Variants in NAA38 observed in about 807,000 individuals in gnomAD.
The protein encoded by NAA38 is LSM domain containing 1.
Under a neutral mutation model 12.6 loss-of-function variants are expected in NAA38, and 15 were observed. The ratio of observed to expected loss-of-function variants is 1.19; its 90% CI spans 0.79 to 1.83. The LOEUF (loss-of-function observed/expected upper bound fraction) is 1.83, where lower values mean the gene tolerates loss of function less well. NAA38 is among the 40% of genes most tolerant of loss of function. The pLI, the probability that NAA38 is intolerant of heterozygous loss-of-function variation, is 0.00. For missense variants in NAA38, 183 were observed against 171.7 expected (o/e 1.07, Z -0.37); for synonymous variants, 88 against 69.9 (o/e 1.26, Z -1.29).
chr17:7,883,235 C>G (rs1967327398), exon 2 of NAA38: 3 of 152,180 alleles, frequency 2.0e-5, no homozygotes, highest in Non-Finnish European at 2.9e-5. Flanking sequence ...TAACCCCTAC[C>G]TCTGCTTTTT....
chr17:7,882,851 C>T (rs1967302657), intron 2 of NAA38, among the ~76,000 whole-genome samples: 1 of 152,186 alleles, frequency 6.6e-6, no homozygotes, highest in African/African-American at 2.4e-5. Context: ...CAGGGTGCTC[C>T]TGAGCACCGC....
At chr17:7,864,789 T>A (rs1966934493) in intron 3 of NAA38, 3 of 151,548 alleles carry the variant, frequency 2.0e-5, no homozygotes, top group Non-Finnish European at 4.4e-5. Flanking sequence ...TCTCAGCTAC[T>A]CGGGAGGCTG....
intron 1 of NAA38, among the ~76,000 whole-genome samples, chr17:7,884,579 G>A (rs1377835190): frequency 7.0e-6 from 1 of 142,040 alleles, no homozygotes; most frequent in Non-Finnish European, 1.5e-5. Context: ...CAATTTTTGG[G>A]GGTGGTTTGG....
At chr17:7,872,649 C>T (rs1240865486) in intron 2 of NAA38, among the ~76,000 whole-genome samples, 2 of 152,270 alleles carry the variant, frequency 1.3e-5, no homozygotes, top group Non-Finnish European at 1.5e-5. Flanking sequence ...GCCTGAGCCG[C>T]TGTGCCCGGG....
chr17:7,856,702 T>G lies in NAA38; in HGVS notation c.*29A>C. Reference sequence around the variant, plus strand: ...CAGGCCCATTCGGTCATAAGTTTAATGAAGTCTGAAAGGTAAGCGCCATCG... The same window carrying G: ...CAGGCCCATTCGGTCATAAGTTTAAGGAAGTCTGAAAGGTAAGCGCCATCG... On this transcript the variant is annotated 3_prime_UTR_variant, in exon 3 of 3. Coordinates refer to ENST00000575771, the MANE Select transcript of NAA38 (RefSeq NM_001320925.4). 2 of 1,574,570 alleles carry G rather than the reference T, an allele frequency of 1.3e-6. No individual in the cohort carries two copies. The highest frequency in any genetic ancestry group is 2.7e-5 in the African/African-American group (2 of 74,152).
chr17:7,882,895 G>GT (rs971278731), intron 2 of NAA38, among the ~76,000 whole-genome samples: 29 of 152,290 alleles, frequency 1.9e-4, no homozygotes, highest in Middle Eastern at 3.4e-3. Flanking sequence ...CACTGGAGAG[G>GT]TAGAGGAATA....
At chr17:7,859,640 C>T (rs551386324), upstream of NAA38, 362 of 1,604,092 alleles carry the variant, frequency 2.3e-4, 4 homozygotes, top group South Asian at 3.8e-3. Context: ...CGTGTAGACT[C>T]AAGACGTATT....
rs540937108 is a variant in NAA38, at chr17:7,875,090, G to A, written c.-66+8145C>T. Among the ~76,000 whole-genome samples the A allele has an allele frequency of 4.0e-5, 6 of 151,846 alleles. No individual in the cohort carries two copies. In the South Asian group the frequency reaches 1.3e-3, roughly 32 times the overall value. On this transcript the variant is annotated intron_variant, in intron 2 of 4. Coordinates refer to the NAA38 transcript ENST00000576861. ...GTGTGCCTGTAGTCCAGCTACTTGG[G>A]AGGATGAGGGAGGAGGAAAGCTTGA... is the stretch of plus-strand genomic sequence containing the variant.
At chr17:7,857,869 C>A, upstream of NAA38, 2 of 1,386,850 alleles carry the variant, frequency 1.4e-6, no homozygotes. Flanking sequence ...CCCCGCAACT[C>A]CTGAAAGCGG....
At chr17:7,862,311 A>C (rs1190262324), upstream of NAA38, 1 of 152,120 alleles carries the variant, frequency 6.6e-6, no homozygotes, top group East Asian at 1.9e-4. Context: ...GTCTATACCT[A>C]GTGGGGGGGA....
At chr17:7,856,895 C>T (rs1422425395) in intron 2 of NAA38, 52 bp from the exon 3 acceptor site, 1 of 1,598,126 alleles carries the variant, frequency 6.3e-7, no homozygotes, top group Non-Finnish European at 8.5e-7. Flanking sequence ...CAGTCCCGCC[C>T]CTCTGAGCCA....
chr17:7,857,561 C>T (rs559717068), upstream of NAA38: 1,482 of 1,416,598 alleles, frequency 1.0e-3, 3 homozygotes, highest in Non-Finnish European at 1.2e-3. Flanking sequence ...TTTCCTTTCG[C>T]GAGATCCCCT....
At chr17:7,881,188 G>A (rs1967265673) in intron 2 of NAA38, among the ~76,000 whole-genome samples, 1 of 152,182 alleles carries the variant, frequency 6.6e-6, no homozygotes, top group Admixed American at 6.5e-5. Flanking sequence ...AGAAGGATGG[G>A]AGACAGGTTT....
chr17:7,862,469 G>GT (rs1345881500), upstream of NAA38: 1 of 152,166 alleles, frequency 6.6e-6, no homozygotes, highest in Admixed American at 6.5e-5. Context: ...CAGGTGCAGT[G>GT]ACTCACGCCT....
intron 2 of NAA38, among the ~76,000 whole-genome samples, chr17:7,874,137 A>G (rs1967133975): frequency 6.6e-6 from 1 of 152,214 alleles, no homozygotes; most frequent in African/African-American, 2.4e-5. Context: ...TAAGCTGGAT[A>G]GGAAAAGAGG....
chr17:7,858,682 C>G, upstream of NAA38: 1 of 1,611,302 alleles, frequency 6.2e-7, no homozygotes, highest in Non-Finnish European at 8.5e-7. Flanking sequence ...CACGTTCCGC[C>G]TCAGCTGCCC....
At chr17:7,858,782 C>T, upstream of NAA38, 1 of 1,580,518 alleles carries the variant, frequency 6.3e-7, no homozygotes, top group South Asian at 1.2e-5. Flanking sequence ...CCCGGAGCAT[C>T]CGCATCATTA....
chr17:7,873,191 C>T (rs1967116704), intron 2 of NAA38, among the ~76,000 whole-genome samples: 1 of 152,196 alleles, frequency 6.6e-6, no homozygotes, highest in Non-Finnish European at 1.5e-5. Flanking sequence ...ACCTGTCTCC[C>T]AAGCCCAGGT....
At chr17:7,868,575 A>G (rs1478453422) in intron 2 of NAA38, among the ~76,000 whole-genome samples, 3 of 152,376 alleles carry the variant, frequency 2.0e-5, no homozygotes, top group African/African-American at 7.2e-5. Context: ...GACCCAGGAC[A>G]TGGTACCCTA....
Sources: allele counts gnomAD v4.1 joint callset (sites outside exome capture counted in the v4.1 genomes callset), GRCh38; gene constraint gnomAD v4.1.1; transcripts MANE v1.5; gene names NCBI Gene and HGNC (gene_info 2026-07-23, HGNC 2026-07-21).